Variants in FOXO3 observed in about 807,000 individuals in gnomAD.
The protein encoded by FOXO3 is forkhead box protein O3.
FOXO3 carries 4 observed loss-of-function variants against 41.9 expected under a neutral mutation model. The observed-to-expected ratio is 0.10, with a 90% CI of 0.05 to 0.22. The LOEUF is 0.22. FOXO3 is among the 10% of genes least tolerant of loss of function. The pLI is 1.00. For missense variants in FOXO3, 534 were observed against 906.8 expected (o/e 0.59, Z 5.28); for synonymous variants, 318 against 389.3 (o/e 0.82, Z 2.16).
At chr6:108,629,993 G>C (rs770630863) in intron 1 of FOXO3, among the ~76,000 whole-genome samples, 1 of 152,102 alleles carries the variant, frequency 6.6e-6, no homozygotes. Flanking sequence ...GGTCATCCTC[G>C]AAGGTCTTAA....
At chr6:108,571,049 A>C (rs921192051) in intron 1 of FOXO3, among the ~76,000 whole-genome samples, 4 of 152,062 alleles carry the variant, frequency 2.6e-5, no homozygotes, top group African/African-American at 9.7e-5. Flanking sequence ...CCTAACACCA[A>C]ATTTTTACAG....
chr6:108,653,880 A>G lies in FOXO3; in HGVS notation c.622-9575A>G, dbSNP rs555668865. 1.6e-3 allele frequency among the ~76,000 whole-genome samples: 242 copies of G among 152,320 alleles called. 11 individuals are homozygous for G. The South Asian group carries it at 0.049, about 31-fold the overall frequency. ...TGCCTGTTAACTCTTTGAGGCAACCATTTTGTGTGGCTAATTTGAGCATGG... is the reference window on the plus strand; with the variant it reads ...TGCCTGTTAACTCTTTGAGGCAACCGTTTTGTGTGGCTAATTTGAGCATGG... On this transcript the variant is annotated intron_variant, in intron 1 of 2. Coordinates refer to ENST00000406360, the MANE Select transcript of FOXO3 (RefSeq NM_001455.4).
chr6:108,626,319 A>G (rs1458949013), intron 1 of FOXO3, among the ~76,000 whole-genome samples: 1 of 152,210 alleles, frequency 6.6e-6, no homozygotes, highest in Non-Finnish European at 1.5e-5. Context: ...GTCTGATCTC[A>G]GAGGACGCAG....
chr6:108,612,408 G>A (rs557562930), intron 1 of FOXO3, among the ~76,000 whole-genome samples: 76 of 151,968 alleles, frequency 5.0e-4, no homozygotes, highest in African/African-American at 1.5e-3. Flanking sequence ...GGCCAGGCGC[G>A]GTGGCTCATG....
At chr6:108,565,933 T>C (rs535611341) in intron 1 of FOXO3, among the ~76,000 whole-genome samples, 138 of 152,334 alleles carry the variant, frequency 9.1e-4, no homozygotes, top group African/African-American at 3.2e-3. Context: ...TTGACCTCAG[T>C]CACCTTTTGG....
At chr6:108,579,628 A>G (rs1776353982) in intron 1 of FOXO3, among the ~76,000 whole-genome samples, 1 of 152,146 alleles carries the variant, frequency 6.6e-6, no homozygotes, top group Non-Finnish European at 1.5e-5. Flanking sequence ...TCAGTTGCTC[A>G]TCCATTTTGG....
chr6:108,649,039 A>G (rs984354959), intron 1 of FOXO3, among the ~76,000 whole-genome samples: 2 of 148,578 alleles, frequency 1.3e-5, no homozygotes, highest in African/African-American at 4.9e-5. Context: ...AAAAAGGACT[A>G]CAAGTGTCTC....
chr6:108,622,192 G>A (rs1378044617), intron 1 of FOXO3, among the ~76,000 whole-genome samples: 1 of 149,456 alleles, frequency 6.7e-6, no homozygotes, highest in Non-Finnish European at 1.5e-5. Context: ...CCAGGAAGTG[G>A]AGGTTGCAGT....
chr6:108,564,351 A>C (rs527947128), intron 1 of FOXO3, among the ~76,000 whole-genome samples: 2 of 152,338 alleles, frequency 1.3e-5, no homozygotes, highest in South Asian at 4.1e-4. Flanking sequence ...TCAGGAGCTA[A>C]TTGTGACCCA....
intron 1 of FOXO3, among the ~76,000 whole-genome samples, chr6:108,661,194 A>G (rs1472785572): frequency 6.6e-6 from 1 of 152,094 alleles, no homozygotes; most frequent in Non-Finnish European, 1.5e-5. Context: ...GTGAGCCGAG[A>G]TCAAGCCATT....
At chr6:108,672,289 T>C (rs1401956437) in intron 2 of FOXO3, among the ~76,000 whole-genome samples, 1 of 152,212 alleles carries the variant, frequency 6.6e-6, no homozygotes, top group Non-Finnish European at 1.5e-5. Flanking sequence ...TTATCGCTTA[T>C]TAGTTACTGT....
chr6:108,615,539 G>A lies in FOXO3; in HGVS notation c.622-47916G>A, dbSNP rs369113709. On this transcript the variant is annotated intron_variant, in intron 1 of 2. Coordinates refer to ENST00000406360, the MANE Select transcript of FOXO3 (RefSeq NM_001455.4). The stretch of plus-strand genomic sequence containing the variant: ...TTGTATCACTGGTTTTTATTATTGT[G>A]ATGTGCCCTCTTTAATTACATCTGT... 4.7e-4 allele frequency among the ~76,000 whole-genome samples: 71 copies of A among 150,622 alleles called. 1 individual carries two copies. In the South Asian group the frequency reaches 0.011, roughly 23 times the overall value.
chr6:108,668,973 G>A (rs960051461), intron 2 of FOXO3, among the ~76,000 whole-genome samples: 20 of 152,116 alleles, frequency 1.3e-4, no homozygotes, highest in African/African-American at 4.8e-4. Flanking sequence ...TTAGCCGGGC[G>A]TGGTGGCGGG....
chr6:108,597,814 T>C (rs2128365323), intron 1 of FOXO3, among the ~76,000 whole-genome samples: 1 of 152,282 alleles, frequency 6.6e-6, no homozygotes, highest in East Asian at 1.9e-4. Context: ...TTCCTCTAAT[T>C]TGTAATAAGC....
chr6:108,678,375 C>T (rs189883900), intron 2 of FOXO3, among the ~76,000 whole-genome samples: 1 of 152,300 alleles, frequency 6.6e-6, no homozygotes, highest in Admixed American at 6.5e-5. Flanking sequence ...CATTTCTTGG[C>T]CTAGAGCCGT....
At chr6:108,594,125 G>A (rs1391005210) in intron 1 of FOXO3, among the ~76,000 whole-genome samples, 1 of 152,172 alleles carries the variant, frequency 6.6e-6, no homozygotes, top group Non-Finnish European at 1.5e-5. Flanking sequence ...AAAGCTGTGT[G>A]CTGATATTCT....
chr6:108,582,346 G>A (rs1395316098), intron 1 of FOXO3, among the ~76,000 whole-genome samples: 1 of 152,152 alleles, frequency 6.6e-6, no homozygotes, highest in Non-Finnish European at 1.5e-5. Context: ...TGTCCCAGGA[G>A]GCAGATTTTC....
intron 2 of FOXO3, among the ~76,000 whole-genome samples, chr6:108,677,127 T>C (rs549694056): frequency 6.6e-6 from 1 of 152,330 alleles, no homozygotes; most frequent in East Asian, 1.9e-4. Flanking sequence ...TGAGCAGGCC[T>C]CCCTGGGAGG....
intron 1 of FOXO3, among the ~76,000 whole-genome samples, chr6:108,617,690 C>T (rs1777553999): frequency 6.6e-6 from 1 of 152,044 alleles, no homozygotes; most frequent in South Asian, 2.1e-4. Flanking sequence ...ATATGAAGAG[C>T]AGGATGAGCA....
Sources: allele counts gnomAD v4.1 joint callset (sites outside exome capture counted in the v4.1 genomes callset), GRCh38; gene constraint gnomAD v4.1.1; transcripts MANE v1.5; gene names NCBI Gene and HGNC (gene_info 2026-07-23, HGNC 2026-07-21).